TRIM49: variants seen among roughly 807,000 people sequenced by gnomAD.
The protein encoded by TRIM49 is tripartite motif-containing protein 49.
In TRIM49, 5 loss-of-function variants were observed where a neutral mutation model predicts 27.4. The observed-to-expected ratio is 0.18, with a 90% CI of 0.10 to 0.38. The LOEUF is 0.38. TRIM49 is among the 10% of genes least tolerant of loss of function. The probability of loss-of-function intolerance (pLI) is 1.00; values close to 1 mark genes in which losing one functional copy is unlikely to be tolerated. For synonymous variants in TRIM49, 69 were observed against 166.0 expected (o/e 0.42, Z 4.49); for missense variants, 188 against 487.5 (o/e 0.39, Z 5.79).
At chr11:89,772,594 T>G in the TRIM49 span, among the ~76,000 whole-genome samples, 1 of 131,354 alleles carries the variant, frequency 7.6e-6, no homozygotes, top group South Asian at 2.3e-4. Flanking sequence ...TAAAATTTTT[T>G]TAGCTGAATA....
At chr11:89,777,671 A>G in the TRIM49 span, among the ~76,000 whole-genome samples, 1 of 150,996 alleles carries the variant, frequency 6.6e-6, no homozygotes, top group Admixed American at 6.6e-5. Context: ...TTTCAAAGTC[A>G]GGTTATGTAA....
At chr11:89,776,681 G>A in the TRIM49 span, among the ~76,000 whole-genome samples, 10 of 152,006 alleles carry the variant, frequency 6.6e-5, no homozygotes, top group African/African-American at 2.2e-4. Flanking sequence ...CAGGAGGATA[G>A]GTTTACGTTA....
At chr11:89,778,132 G>A in the TRIM49 span, 1 of 683,066 alleles carries the variant, frequency 1.5e-6, no homozygotes, top group Non-Finnish European at 2.3e-6. Flanking sequence ...AGAAAATGTA[G>A]TGATTTCAAT....
the TRIM49 span, among the ~76,000 whole-genome samples, chr11:89,772,757 G>A: frequency 7.6e-5 from 10 of 131,924 alleles, no homozygotes; most frequent in Admixed American, 4.2e-4. Flanking sequence ...TGAAGCATAC[G>A]CTCTCCATGG....
intron 5 of TRIM49, 54 bp from the exon 6 acceptor site, chr11:89,801,042 C>T: frequency 1.1e-6 from 1 of 885,048 alleles, no homozygotes; most frequent in Admixed American, 2.8e-5. Flanking sequence ...ATGCATCTTT[C>T]ACTAAGTTCA....
At chr11:89,794,679 A>G (rs1472652612), downstream of TRIM49, among the ~76,000 whole-genome samples, 1 of 144,634 alleles carries the variant, frequency 6.9e-6, no homozygotes, top group Non-Finnish European at 1.5e-5. Flanking sequence ...AAAACTGGCT[A>G]GCCATATGTA....
the TRIM49 span, among the ~76,000 whole-genome samples, chr11:89,791,746 C>T: frequency 6.6e-6 from 1 of 152,190 alleles, no homozygotes; most frequent in Non-Finnish European, 1.5e-5. Context: ...AAAGGAAGCA[C>T]TAAACATGGA....
chr11:89,788,026 C>G, the TRIM49 span, among the ~76,000 whole-genome samples: 15 of 144,864 alleles, frequency 1.0e-4, no homozygotes, highest in Admixed American at 4.0e-4. Context: ...ATCAGTACAC[C>G]TAGCGGGCAT....
At chr11:89,783,739 A>G in the TRIM49 span, among the ~76,000 whole-genome samples, 1 of 147,104 alleles carries the variant, frequency 6.8e-6, no homozygotes, top group South Asian at 2.1e-4. Flanking sequence ...GGAAAATTCT[A>G]TAATAGAATG....
downstream of TRIM49, among the ~76,000 whole-genome samples, chr11:89,792,837 AG>A (rs1368137187): frequency 6.6e-6 from 1 of 152,130 alleles, no homozygotes; most frequent in Non-Finnish European, 1.5e-5. Flanking sequence ...TAAAAGAACT[AG>A]AGAAGCAAGA....
chr11:89,803,941 G>A, intron 3 of TRIM49, 118 bp downstream of exon 3: 1 of 1,586,178 alleles, frequency 6.3e-7, no homozygotes, highest in East Asian at 2.2e-5. Context: ...AGCTAAGAAA[G>A]CCCAAACAGA....
the TRIM49 span, among the ~76,000 whole-genome samples, chr11:89,772,206 T>G: frequency 2.4e-3 from 334 of 138,446 alleles, 31 homozygotes; most frequent in Middle Eastern, 7.0e-3. Flanking sequence ...TTCTTAATAT[T>G]TTCTTTCCTT....
chr11:89,776,862 G>C, the TRIM49 span: 3 of 938,264 alleles, frequency 3.2e-6, no homozygotes, highest in African/African-American at 3.3e-5. Flanking sequence ...TATTCGACAT[G>C]TTGGACAGAG....
intron 2 of TRIM49, among the ~76,000 whole-genome samples, chr11:89,805,713 G>GC (rs1565447802): frequency 1.5e-5 from 2 of 130,038 alleles, no homozygotes; most frequent in African/African-American, 7.8e-5. Context: ...GGTGTTTTTA[G>GC]TTTTTTTTTG....
intron 1 of TRIM49, among the ~76,000 whole-genome samples, chr11:89,807,801 G>T (rs1184095756): frequency 1.3e-5 from 2 of 150,110 alleles, no homozygotes; most frequent in African/African-American, 5.0e-5. Context: ...CTTCCAAAGT[G>T]CTAAGAGTAC....
At chr11:89,778,284 A>G in the TRIM49 span, among the ~76,000 whole-genome samples, 1 of 152,242 alleles carries the variant, frequency 6.6e-6, no homozygotes, top group African/African-American at 2.4e-5. Context: ...AGATGAGACA[A>G]CATTTCACTA....
downstream of TRIM49, among the ~76,000 whole-genome samples, chr11:89,796,254 G>A (rs1259465118): frequency 6.6e-6 from 1 of 151,548 alleles, no homozygotes; most frequent in Non-Finnish European, 1.5e-5. Flanking sequence ...GTTTTATTAT[G>A]AGACAGACTG....
intron 5 of TRIM49, 28 bp from the exon 6 acceptor site, chr11:89,801,016 T>C (rs771915021): frequency 7.8e-7 from 1 of 1,286,914 alleles, no homozygotes; most frequent in Non-Finnish European, 1.1e-6. Flanking sequence ...AAGAAAGATT[T>C]AGTGCATTTC....
At chr11:89,793,569 C>CATGAGACTA (rs1565443822), downstream of TRIM49, among the ~76,000 whole-genome samples, 1 of 152,138 alleles carries the variant, frequency 6.6e-6, no homozygotes, top group South Asian at 2.1e-4. Context: ...GGATCCAAGG[C>CATGAGACTA]TGGTTCAACA....
Sources: allele counts gnomAD v4.1 joint callset (sites outside exome capture counted in the v4.1 genomes callset), GRCh38; gene constraint gnomAD v4.1.1; transcripts MANE v1.5; gene names NCBI Gene and HGNC (gene_info 2026-07-23, HGNC 2026-07-21).